Variants in TNNI3K observed in about 807,000 individuals in gnomAD.
The protein encoded by TNNI3K is serine/threonine-protein kinase TNNI3K.
In TNNI3K, 140 loss-of-function variants were observed where a neutral mutation model predicts 114.5. That is an observed-to-expected ratio of 1.22 (90% CI 1.07 to 1.41). The LOEUF is 1.41. TNNI3K is among the 40% of genes most tolerant of loss of function. TNNI3K has a pLI of 0.00. For synonymous variants in TNNI3K, 347 were observed against 347.5 expected (o/e 1.00, Z 0.02); for missense variants, 1,125 against 1,007.6 (o/e 1.12, Z -1.58).
intron 11 of TNNI3K, among the ~76,000 whole-genome samples, chr1:74,358,997 A>G (rs1661810373): frequency 6.6e-6 from 1 of 152,000 alleles, no homozygotes; most frequent in South Asian, 2.1e-4. Flanking sequence ...TTTTATAGAT[A>G]AAGAGATTAA....
At chr1:74,265,101 T>C (rs1424595890) in intron 4 of TNNI3K, among the ~76,000 whole-genome samples, 7 of 151,982 alleles carry the variant, frequency 4.6e-5, no homozygotes, top group Non-Finnish European at 8.8e-5. Flanking sequence ...AGACCTGATT[T>C]CAAATCCCAG....
At chr1:74,359,361 C>T (rs573632680) in intron 11 of TNNI3K, among the ~76,000 whole-genome samples, 2 of 152,036 alleles carry the variant, frequency 1.3e-5, no homozygotes, top group East Asian at 1.9e-4. Flanking sequence ...CCACATAACT[C>T]CCAAATTTCA....
chr1:74,347,792 A>G (rs551222699), intron 9 of TNNI3K, among the ~76,000 whole-genome samples: 1 of 152,326 alleles, frequency 6.6e-6, no homozygotes, highest in South Asian at 2.1e-4. Flanking sequence ...GGCTGCATAA[A>G]TGTCTTCTTT....
At chr1:74,338,746 C>G (rs954466199) in intron 7 of TNNI3K, among the ~76,000 whole-genome samples, 1 of 152,120 alleles carries the variant, frequency 6.6e-6, no homozygotes, top group African/African-American at 2.4e-5. Context: ...TTTCCAGTTT[C>G]CAAGTTGTAA....
chr1:74,514,042 G>A (rs1171794758), intron 23 of TNNI3K, among the ~76,000 whole-genome samples: 1 of 152,128 alleles, frequency 6.6e-6, no homozygotes, highest in Non-Finnish European at 1.5e-5. Flanking sequence ...GCCAGTAAAC[G>A]ATAACTGCGT....
At chr1:74,514,327 G>A (rs890452494) in intron 23 of TNNI3K, among the ~76,000 whole-genome samples, 1 of 152,166 alleles carries the variant, frequency 6.6e-6, no homozygotes, top group Non-Finnish European at 1.5e-5. Context: ...AGCTGAAAGC[G>A]CTTTGTGATG....
Position 74,249,317 on chromosome 1 carries a change from ATTCT to A in TNNI3K, c.150-137_150-134del, listed in dbSNP as rs1448877136. On this transcript the variant is annotated intron_variant, in intron 2 of 24. Coordinates refer to ENST00000326637, the MANE Select transcript of TNNI3K (RefSeq NM_015978.3). ...TAATTCTTCATATAGAGGGTTCAAGATTCTTTCTGTAAGTGCAAAATAATCTTAG... is the reference window on the plus strand; with the variant it reads ...TAATTCTTCATATAGAGGGTTCAAGATTCTGTAAGTGCAAAATAATCTTAG... 6 of 822,510 alleles carry A rather than the reference ATTCT, an allele frequency of 7.3e-6. No individual in the cohort carries two copies. The African/African-American group carries it at 8.7e-5, about 12-fold the overall frequency. The allele number at this position is 822,510 out of a possible 1,614,324, so 51.0% of individuals were successfully genotyped here. A position where few individuals can be genotyped will look rare whatever the true frequency, so the allele number is the denominator to read the frequency against.
intron 17 of TNNI3K, among the ~76,000 whole-genome samples, chr1:74,434,373 C>G (rs1329028535): frequency 6.6e-6 from 1 of 152,000 alleles, no homozygotes. Flanking sequence ...ATTCATTTCC[C>G]CTTTGTCTCT....
intron 5 of TNNI3K, among the ~76,000 whole-genome samples, chr1:74,309,611 C>T (rs1057462343): frequency 2.0e-5 from 3 of 151,978 alleles, no homozygotes; most frequent in Non-Finnish European, 2.9e-5. Flanking sequence ...TAAATCACCA[C>T]AACAAAATGG....
chr1:74,346,034 G>T (rs981525809), intron 9 of TNNI3K: 1 of 152,116 alleles, frequency 6.6e-6, no homozygotes, highest in East Asian at 1.9e-4. Context: ...GATAATGAAA[G>T]GTCCTCTACA....
intron 23 of TNNI3K, among the ~76,000 whole-genome samples, chr1:74,531,736 T>C (rs760016776): frequency 3.9e-5 from 6 of 152,210 alleles, no homozygotes; most frequent in Admixed American, 2.0e-4. Context: ...TTAAGTATTA[T>C]TGTATGTGTT....
At chr1:74,394,418 A>T (rs1332281313) in intron 17 of TNNI3K, among the ~76,000 whole-genome samples, 1 of 152,198 alleles carries the variant, frequency 6.6e-6, no homozygotes, top group Non-Finnish European at 1.5e-5. Context: ...ATATGAAGGA[A>T]ATAATGTATA....
At chr1:74,434,360 A>G (rs924133152) in intron 17 of TNNI3K, among the ~76,000 whole-genome samples, 2 of 152,030 alleles carry the variant, frequency 1.3e-5, no homozygotes, top group African/African-American at 4.8e-5. Context: ...TCCCCAATCT[A>G]GAATTCATTT....
chr1:74,351,212 T>G (rs1424359227), intron 9 of TNNI3K, among the ~76,000 whole-genome samples: 8 of 151,998 alleles, frequency 5.3e-5, no homozygotes. Flanking sequence ...ATTTTATTTC[T>G]CCTTCACTTA....
chr1:74,321,596 A>G (rs1176902751), intron 5 of TNNI3K, among the ~76,000 whole-genome samples: 1 of 151,614 alleles, frequency 6.6e-6, no homozygotes, highest in Non-Finnish European at 1.5e-5. Flanking sequence ...AATTTATATA[A>G]CTGATGAAAT....
chr1:74,425,880 C>T (rs893561294), intron 17 of TNNI3K, among the ~76,000 whole-genome samples: 1 of 151,982 alleles, frequency 6.6e-6, no homozygotes, highest in Admixed American at 6.6e-5. Flanking sequence ...CCTAAACCAT[C>T]GTGGTTGATA....
intron 20 of TNNI3K, among the ~76,000 whole-genome samples, chr1:74,453,890 T>C (rs1261123783): frequency 1.3e-5 from 2 of 152,194 alleles, no homozygotes. Context: ...AACTAATTTC[T>C]TTCTGCTCAT....
At chr1:74,404,412 C>T (rs933708077) in intron 17 of TNNI3K, among the ~76,000 whole-genome samples, 3 of 152,108 alleles carry the variant, frequency 2.0e-5, no homozygotes, top group Non-Finnish European at 4.4e-5. Context: ...TGTCTCCTTC[C>T]TCCCAAGAAC....
At chr1:74,488,392 A>T (rs1390045280) in intron 21 of TNNI3K, among the ~76,000 whole-genome samples, 2 of 152,188 alleles carry the variant, frequency 1.3e-5, no homozygotes, top group East Asian at 3.9e-4. Flanking sequence ...AAGAATCTAA[A>T]TTATTTGGTT....
Sources: allele counts gnomAD v4.1 joint callset (sites outside exome capture counted in the v4.1 genomes callset), GRCh38; gene constraint gnomAD v4.1.1; transcripts MANE v1.5; gene names NCBI Gene and HGNC (gene_info 2026-07-23, HGNC 2026-07-21).